Variants in DHRSX observed in about 807,000 individuals in gnomAD.
DHRSX encodes polyprenol dehydrogenase.
A neutral mutation model predicts 34.0 loss-of-function variants in DHRSX; 31 were observed. The observed-to-expected ratio is 0.91, with a 90% CI of 0.69 to 1.23. DHRSX has a LOEUF of 1.23. DHRSX is among the 50% of genes most tolerant of loss of function. The pLI, the probability that DHRSX is intolerant of heterozygous loss-of-function variation, is 0.00. For synonymous variants in DHRSX, 201 were observed against 183.8 expected (o/e 1.09, Z -0.76); for missense variants, 414 against 428.1 (o/e 0.97, Z 0.29).
intron 2 of DHRSX, among the ~76,000 whole-genome samples, chrX:2,419,420 G>T (rs1284701655): frequency 6.6e-6 from 1 of 152,070 alleles, no homozygotes; most frequent in Non-Finnish European, 1.5e-5. Flanking sequence ...CGATTCCTCA[G>T]GGATCTAGAA....
At chrX:2,409,489 T>C (rs1465933522) in intron 2 of DHRSX, among the ~76,000 whole-genome samples, 9 of 152,114 alleles carry the variant, frequency 5.9e-5, no homozygotes, top group Admixed American at 1.3e-4. Context: ...TGCGTTCTCA[T>C]TGTTCAACTC....
intron 1 of DHRSX, among the ~76,000 whole-genome samples, chrX:2,446,816 TAAGA>T (rs2044143938): frequency 6.6e-6 from 1 of 151,878 alleles, no homozygotes; most frequent in Non-Finnish European, 1.5e-5. Flanking sequence ...AGACATTCCC[TAAGA>T]AAGCAGCCAA....
intron 3 of DHRSX, among the ~76,000 whole-genome samples, chrX:2,310,698 C>A (rs1569486684): frequency 1.3e-5 from 2 of 150,854 alleles, no homozygotes; most frequent in African/African-American, 4.9e-5. Flanking sequence ...AGGAAAGAGA[C>A]AGAGAGAAAG....
intron 3 of DHRSX, among the ~76,000 whole-genome samples, chrX:2,360,317 G>A (rs1036711175): frequency 3.3e-5 from 5 of 152,208 alleles, no homozygotes; most frequent in Non-Finnish European, 7.3e-5. Context: ...AGGCGTGGTG[G>A]CTCACGCCTG....
At chrX:2,223,092 G>C (rs184777667) in intron 6 of DHRSX, among the ~76,000 whole-genome samples, 5 of 152,244 alleles carry the variant, frequency 3.3e-5, no homozygotes, top group African/African-American at 1.2e-4. Flanking sequence ...AGTGTCCTGG[G>C]AGATTTGGAG....
At chrX:2,260,124 T>A (rs750400523) in intron 5 of DHRSX, among the ~76,000 whole-genome samples, 1 of 150,962 alleles carries the variant, frequency 6.6e-6, no homozygotes, top group African/African-American at 2.4e-5. Flanking sequence ...TCTGCCTCCA[T>A]CTCCACGTGG....
intron 1 of DHRSX, among the ~76,000 whole-genome samples, chrX:2,480,173 T>A (rs1233430877): frequency 6.6e-6 from 1 of 151,952 alleles, no homozygotes; most frequent in African/African-American, 2.4e-5. Context: ...CACAATGGAA[T>A]AGTATGCAGC....
rs183964351 is a variant in DHRSX at position 2,221,275 on chromosome X, C to T, written c.805-46G>A. 6.9e-3 allele frequency: 10,992 copies of T among 1,582,462 alleles called. 52 individuals carry two copies. The highest frequency in any genetic ancestry group is 8.0e-3 in the Non-Finnish European group (9,316 of 1,160,756). On this transcript the variant is annotated intron_variant, in intron 6 of 6. Coordinates refer to ENST00000334651, the MANE Select transcript of DHRSX (RefSeq NM_145177.3). ...GGCTACGATGAGTCAAATTTCTGAG[C>T]AGGAAACAGGAGTCTCAGGACTCAC...
chrX:2,349,993 C>A (rs747924424), intron 3 of DHRSX, among the ~76,000 whole-genome samples: 2 of 151,616 alleles, frequency 1.3e-5, no homozygotes, highest in South Asian at 4.2e-4. Context: ...AAGCCGAGAT[C>A]GCGCCACTGC....
chrX:2,222,329 G>A (rs777387207), intron 6 of DHRSX, among the ~76,000 whole-genome samples: 1 of 152,330 alleles, frequency 6.6e-6, no homozygotes, highest in African/African-American at 2.4e-5. Flanking sequence ...CCAGAGGTCA[G>A]GCTGGCCTGA....
chrX:2,234,499 A>G (rs2015969074), intron 6 of DHRSX, among the ~76,000 whole-genome samples: 2 of 152,238 alleles, frequency 1.3e-5, no homozygotes, highest in South Asian at 2.1e-4. Flanking sequence ...ATCCACGCAC[A>G]CAGCTGTTTT....
chrX:2,465,159 G>A (rs1206288177), intron 1 of DHRSX, among the ~76,000 whole-genome samples: 1 of 152,044 alleles, frequency 6.6e-6, no homozygotes, highest in Non-Finnish European at 1.5e-5. Flanking sequence ...TGTGGCCAAG[G>A]GAACAAACTG....
At chrX:2,305,078 A>G (rs1373075746) in intron 3 of DHRSX, among the ~76,000 whole-genome samples, 1 of 152,144 alleles carries the variant, frequency 6.6e-6, no homozygotes, top group East Asian at 1.9e-4. Context: ...GCTAGAAGCC[A>G]TTATTCTTGG....
intron 1 of DHRSX, among the ~76,000 whole-genome samples, chrX:2,439,242 C>T (rs1433479778): frequency 6.6e-6 from 1 of 151,894 alleles, no homozygotes; most frequent in Non-Finnish European, 1.5e-5. Context: ...AGAGGTCATT[C>T]ATTTCAGGAA....
intron 1 of DHRSX, among the ~76,000 whole-genome samples, chrX:2,432,426 A>G (rs111678957): frequency 0.093 from 14,084 of 152,174 alleles, 1,008 homozygotes; most frequent in African/African-American, 0.2. Context: ...AAATTCTGAT[A>G]TGTACAAAGA....
intron 3 of DHRSX, among the ~76,000 whole-genome samples, chrX:2,324,165 C>T (rs2042347618): frequency 6.6e-6 from 1 of 151,958 alleles, no homozygotes; most frequent in Non-Finnish European, 1.5e-5. Flanking sequence ...ATCTGGTAGA[C>T]CAGATACCTG....
At chrX:2,256,538 C>T (rs1422872060) in intron 5 of DHRSX, among the ~76,000 whole-genome samples, 1 of 152,106 alleles carries the variant, frequency 6.6e-6, no homozygotes, top group Non-Finnish European at 1.5e-5. Context: ...TCAGGTGATA[C>T]GCCCGCCTCG....
chrX:2,331,292 T>C lies in DHRSX; in HGVS notation c.287-39689A>G, dbSNP rs184540859. ...AGAAGTGACTTCCTCCACTGAAGTC[T>C]TGAACCCCCTCAATGTCATTCATGA... is the stretch of plus-strand genomic sequence containing the variant. On this transcript the variant is annotated intron_variant, in intron 3 of 6. Coordinates refer to ENST00000334651, the MANE Select transcript of DHRSX (RefSeq NM_145177.3). Among the ~76,000 whole-genome samples, 140 of 152,256 alleles carry C rather than the reference T, an allele frequency of 9.2e-4. 1 individual carries two copies. Among genetic ancestry groups the C allele is most frequent in the African/African-American group, 3.2e-3 (133 of 41,572 alleles).
intron 3 of DHRSX, among the ~76,000 whole-genome samples, chrX:2,317,256 C>CTTTTTTTTTTTTTTTTT (rs779722860): frequency 1.1e-5 from 1 of 87,440 alleles, no homozygotes. Context: ...CCGCGCCTGG[C>CTTTTTTTTTTTTTTTTT]TTTTTTTTTT....
Sources: allele counts gnomAD v4.1 joint callset (sites outside exome capture counted in the v4.1 genomes callset), GRCh38; gene constraint gnomAD v4.1.1; transcripts MANE v1.5; gene names NCBI Gene and HGNC (gene_info 2026-07-23, HGNC 2026-07-21).